TRPM3: variants seen among roughly 807,000 people sequenced by gnomAD.
The protein encoded by TRPM3 is long transient receptor potential channel 3.
TRPM3 carries 77 observed loss-of-function variants against 181.2 expected under a neutral mutation model. The ratio of observed to expected loss-of-function variants is 0.42; its 90% CI spans 0.35 to 0.51. The LOEUF (loss-of-function observed/expected upper bound fraction) is 0.51, where lower values mean the gene tolerates loss of function less well. TRPM3 is among the 20% of genes least tolerant of loss of function. The pLI, the probability that TRPM3 is intolerant of heterozygous loss-of-function variation, is 0.01. For missense variants in TRPM3, 1,759 were observed against 2,196.7 expected (o/e 0.80, Z 3.98); for synonymous variants, 745 against 796.4 (o/e 0.94, Z 1.09).
At chr9:71,290,886 A>G (rs2085749648) in intron 1 of TRPM3, among the ~76,000 whole-genome samples, 2 of 148,810 alleles carry the variant, frequency 1.3e-5, no homozygotes, top group Admixed American at 1.3e-4. Context: ...AAGAATGGAA[A>G]GAGAAAAAAG....
intron 22 of TRPM3, among the ~76,000 whole-genome samples, chr9:70,572,745 T>C (rs2052793185): frequency 6.6e-6 from 1 of 152,236 alleles, no homozygotes; most frequent in African/African-American, 2.4e-5. Context: ...AGATGAGTTC[T>C]CACTGGTAAT....
intron 20 of TRPM3, among the ~76,000 whole-genome samples, chr9:70,601,328 G>A (rs1196675453): frequency 2.0e-5 from 3 of 152,178 alleles, no homozygotes; most frequent in Non-Finnish European, 2.9e-5. Context: ...AGAAGTATGT[G>A]GGGCTGGGAA....
chr9:71,130,245 T>C (rs1215147531), intron 1 of TRPM3, among the ~76,000 whole-genome samples: 2 of 152,128 alleles, frequency 1.3e-5, no homozygotes, highest in Non-Finnish European at 2.9e-5. Flanking sequence ...AACGTATACA[T>C]AAAAAGTAAA....
intron 8 of TRPM3, among the ~76,000 whole-genome samples, chr9:70,757,767 T>A (rs766298662): frequency 3.2e-4 from 48 of 152,148 alleles, no homozygotes; most frequent in Non-Finnish European, 4.0e-4. Flanking sequence ...AGGGCTTTGA[T>A]AAAATTTAAC....
rs1030283125 is a variant in TRPM3 at position 70,534,323 on chromosome 9, T to C, written c.*1630A>G. 3 of 152,228 alleles carry C rather than the reference T, an allele frequency of 2.0e-5. No individual in the cohort carries two copies. Among genetic ancestry groups the C allele is most frequent in the Non-Finnish European group, 2.9e-5 (2 of 68,052 alleles). The allele number at this position is 152,228 out of a possible 1,614,324, so 9.4% of individuals were successfully genotyped here. On this transcript the variant is annotated 3_prime_UTR_variant, in exon 26 of 26. Transcript: ENST00000677713. Reference sequence around the variant, plus strand: ...AGTGAGTCATTTTGACAACTCTAGTTTGATATGAGGAAAAGTCATAGGAAT... The same window carrying C: ...AGTGAGTCATTTTGACAACTCTAGTCTGATATGAGGAAAAGTCATAGGAAT...
chr9:71,022,926 G>C (rs1432021658), intron 1 of TRPM3, among the ~76,000 whole-genome samples: 3 of 151,984 alleles, frequency 2.0e-5, no homozygotes, highest in Non-Finnish European at 4.4e-5. Context: ...AAATCTTTGA[G>C]GTCTTGGGCT....
chr9:71,316,860 T>G (rs1045189022), intron 1 of TRPM3, among the ~76,000 whole-genome samples: 1 of 152,094 alleles, frequency 6.6e-6, no homozygotes, highest in African/African-American at 2.4e-5. Context: ...ATTAATCTCA[T>G]CGTAAAGAAA....
intron 1 of TRPM3, among the ~76,000 whole-genome samples, chr9:70,904,097 C>T (rs1287190517): frequency 1.3e-5 from 2 of 152,168 alleles, no homozygotes; most frequent in South Asian, 4.1e-4. Context: ...TGGTGCACAC[C>T]TGTAGTCCCA....
chr9:70,869,683 T>G (rs568696138), intron 1 of TRPM3, among the ~76,000 whole-genome samples: 25 of 152,180 alleles, frequency 1.6e-4, no homozygotes, highest in Middle Eastern at 6.8e-3. Context: ...ATCATACTTC[T>G]TATCCTGCTG....
At chr9:70,621,812 A>G (rs975997739) in intron 14 of TRPM3, among the ~76,000 whole-genome samples, 4 of 152,216 alleles carry the variant, frequency 2.6e-5, no homozygotes, top group African/African-American at 7.2e-5. Flanking sequence ...GATTTTAATG[A>G]ATCTACAGAA....
chr9:70,829,340 C>T (rs530371141), intron 5 of TRPM3, among the ~76,000 whole-genome samples: 12 of 152,134 alleles, frequency 7.9e-5, no homozygotes, highest in African/African-American at 2.4e-4. Context: ...TTCAAAATCC[C>T]ACATTTCTAT....
chr9:70,993,408 G>A (rs1196248434), intron 1 of TRPM3, among the ~76,000 whole-genome samples: 2 of 152,122 alleles, frequency 1.3e-5, no homozygotes, highest in African/African-American at 4.8e-5. Flanking sequence ...GGGCTAACTG[G>A]GAGGGGGTAG....
At chr9:71,378,529 G>A (rs555303552) in intron 1 of TRPM3, among the ~76,000 whole-genome samples, 2 of 152,122 alleles carry the variant, frequency 1.3e-5, no homozygotes, top group African/African-American at 4.8e-5. Context: ...GTGCTATTCA[G>A]TCAACAATCG....
intron 4 of TRPM3, among the ~76,000 whole-genome samples, chr9:70,844,411 C>T (rs2094855781): frequency 6.8e-6 from 1 of 146,000 alleles, no homozygotes; most frequent in South Asian, 2.2e-4. Flanking sequence ...TATGAATCTT[C>T]TGAGTGAGAG....
intron 1 of TRPM3, among the ~76,000 whole-genome samples, chr9:71,146,863 C>A (rs2075435944): frequency 6.6e-6 from 1 of 152,192 alleles, no homozygotes; most frequent in Non-Finnish European, 1.5e-5. Context: ...AATCATGCAA[C>A]CCAAACTGGG....
intron 1 of TRPM3, among the ~76,000 whole-genome samples, chr9:70,930,375 A>G (rs2096763904): frequency 6.6e-6 from 1 of 152,334 alleles, no homozygotes; most frequent in Admixed American, 6.5e-5. Context: ...TGTTAGTAGG[A>G]TTCAGCATGT....
chr9:70,770,246 T>A (rs186982177), intron 7 of TRPM3, among the ~76,000 whole-genome samples: 6 of 152,146 alleles, frequency 3.9e-5, no homozygotes, highest in Admixed American at 6.5e-5. Context: ...TATATTTGGT[T>A]CTATTTCTGG....
At chr9:70,901,808 T>G (rs1221945204) in intron 1 of TRPM3, among the ~76,000 whole-genome samples, 1 of 152,200 alleles carries the variant, frequency 6.6e-6, no homozygotes, top group Non-Finnish European at 1.5e-5. Flanking sequence ...ATTTCCAAGT[T>G]ATTAATGATT....
At chr9:71,392,998 C>T (rs2093098562) in intron 1 of TRPM3, among the ~76,000 whole-genome samples, 1 of 152,018 alleles carries the variant, frequency 6.6e-6, no homozygotes, top group African/African-American at 2.4e-5. Context: ...GGGCCTGGAG[C>T]AATAGGTATT....
Sources: gnomAD v4.1 joint callset for allele counts (sites outside exome capture counted in the v4.1 genomes callset) on GRCh38, gnomAD v4.1.1 for gene constraint, MANE v1.5 for transcripts, NCBI Gene and HGNC (gene_info 2026-07-23, HGNC 2026-07-21) for gene names.